Variants in PCDH9 observed in about 807,000 individuals in gnomAD.
PCDH9 encodes protocadherin 9, also known as protocadherin-9.
Under a neutral mutation model 70.6 loss-of-function variants are expected in PCDH9, and 24 were observed. The observed-to-expected ratio is 0.34, with a 90% CI of 0.25 to 0.48. The LOEUF (loss-of-function observed/expected upper bound fraction) is 0.48. Among genes scored for constraint, PCDH9 ranks in the 20% least tolerant of loss-of-function variants. The pLI is 0.99. For synonymous variants in PCDH9, 562 were observed against 558.5 expected (o/e 1.01, Z -0.09); for missense variants, 1,281 against 1,503.6 (o/e 0.85, Z 2.45).
At chr13:66,725,087 A>G (rs562143493) in intron 3 of PCDH9, among the ~76,000 whole-genome samples, 134 of 152,146 alleles carry the variant, frequency 8.8e-4, no homozygotes, top group African/African-American at 2.9e-3. Context: ...ACATGTCAAA[A>G]ATACACCCCC....
At chr13:66,337,603 A>AAAC (rs1956058236) in intron 4 of PCDH9, among the ~76,000 whole-genome samples, 1 of 71,842 alleles carries the variant, frequency 1.4e-5, no homozygotes, top group African/African-American at 3.8e-5. Context: ...TTGTTAAAAC[A>AAAC]AACAAACAAA....
chr13:66,619,004 T>C (rs1269780463), intron 4 of PCDH9, among the ~76,000 whole-genome samples: 1 of 152,220 alleles, frequency 6.6e-6, no homozygotes, highest in Non-Finnish European at 1.5e-5. Flanking sequence ...AAAATATTAC[T>C]AACTTTAAAA....
At chr13:66,749,669 T>C (rs1041282709) in intron 3 of PCDH9, among the ~76,000 whole-genome samples, 3 of 152,178 alleles carry the variant, frequency 2.0e-5, no homozygotes, top group African/African-American at 7.2e-5. Flanking sequence ...GCAAAAATGT[T>C]CAATGCCTAA....
chr13:66,855,839 T>C (rs1443229836), intron 3 of PCDH9, among the ~76,000 whole-genome samples: 1 of 151,980 alleles, frequency 6.6e-6, no homozygotes, highest in Admixed American at 6.6e-5. Flanking sequence ...AAAAAACTCA[T>C]ATACTATCTA....
intron 3 of PCDH9, among the ~76,000 whole-genome samples, chr13:66,787,781 G>A (rs2080103176): frequency 6.6e-6 from 1 of 152,020 alleles, no homozygotes; most frequent in Non-Finnish European, 1.5e-5. Context: ...CAATCAGTTG[G>A]CGACCCAGTG....
intron 2 of PCDH9, among the ~76,000 whole-genome samples, chr13:67,040,246 G>A (rs2085085979): frequency 6.6e-6 from 1 of 152,100 alleles, no homozygotes; most frequent in Non-Finnish European, 1.5e-5. Context: ...TTATTCAGAG[G>A]TGGGGTCTTT....
intron 3 of PCDH9, among the ~76,000 whole-genome samples, chr13:66,682,352 T>TTATCTATC (rs67403062): frequency 4.0e-5 from 6 of 150,166 alleles, no homozygotes; most frequent in Non-Finnish European, 5.9e-5. Flanking sequence ...GCTGTATTTA[T>TTATCTATC]TATCTATCTA....
intron 3 of PCDH9, among the ~76,000 whole-genome samples, chr13:66,871,717 T>TTA (rs2081690712): frequency 6.6e-6 from 1 of 152,158 alleles, no homozygotes; most frequent in South Asian, 2.1e-4. Flanking sequence ...AATGTTTACA[T>TTA]TATATATATT....
At chr13:67,058,431 T>C (rs1407005375) in intron 2 of PCDH9, among the ~76,000 whole-genome samples, 1 of 152,100 alleles carries the variant, frequency 6.6e-6, no homozygotes, top group Non-Finnish European at 1.5e-5. Flanking sequence ...CCAATCTCAT[T>C]TTAAGTTTCC....
intron 3 of PCDH9, among the ~76,000 whole-genome samples, chr13:66,723,583 G>T (rs940561071): frequency 6.6e-6 from 1 of 152,146 alleles, no homozygotes; most frequent in Non-Finnish European, 1.5e-5. Context: ...CAAGGATTTC[G>T]CTTGGAACCA....
intron 4 of PCDH9, among the ~76,000 whole-genome samples, chr13:66,574,429 A>T (rs886284328): frequency 7.9e-5 from 12 of 152,140 alleles, no homozygotes; most frequent in Non-Finnish European, 1.6e-4. Context: ...AGGTGAAAAT[A>T]ACCTTAAATT....
chr13:66,404,519 C>T (rs2138305206), intron 4 of PCDH9, among the ~76,000 whole-genome samples: 1 of 151,892 alleles, frequency 6.6e-6, no homozygotes, highest in South Asian at 2.1e-4. Flanking sequence ...CACAAGGAGG[C>T]TGATAATCCA....
intron 3 of PCDH9, among the ~76,000 whole-genome samples, chr13:66,679,355 T>A (rs563392367): frequency 3.4e-4 from 52 of 151,952 alleles, no homozygotes; most frequent in African/African-American, 1.2e-3. Flanking sequence ...TAATAGCACC[T>A]CAGTGGAACT....
intron 2 of PCDH9, among the ~76,000 whole-genome samples, chr13:66,918,287 T>C (rs11841902): frequency 0.41 from 62,470 of 150,982 alleles, 14,357 homozygotes; most frequent in African/African-American, 0.62. Context: ...TTTGCCTCCA[T>C]TTTAGATAAA....
At chr13:66,500,872 G>A (rs1566373292) in intron 4 of PCDH9, among the ~76,000 whole-genome samples, 1 of 151,962 alleles carries the variant, frequency 6.6e-6, no homozygotes, top group African/African-American at 2.4e-5. Flanking sequence ...CTCTCCGTAT[G>A]TCAGGGCAAT....
chr13:66,310,157 C>T (rs558608442), intron 4 of PCDH9, among the ~76,000 whole-genome samples: 2 of 151,852 alleles, frequency 1.3e-5, no homozygotes, highest in South Asian at 4.2e-4. Context: ...CAAATAACAC[C>T]GTGCAAGCCA....
At chr13:67,182,369 G>A (rs2088640242) in intron 2 of PCDH9, among the ~76,000 whole-genome samples, 1 of 151,996 alleles carries the variant, frequency 6.6e-6, no homozygotes, top group Non-Finnish European at 1.5e-5. Flanking sequence ...CATCTAATCT[G>A]TCTACAGGCC....
At chr13:66,998,844 T>C (rs1465902010) in intron 2 of PCDH9, among the ~76,000 whole-genome samples, 1 of 152,202 alleles carries the variant, frequency 6.6e-6, no homozygotes, top group East Asian at 1.9e-4. Flanking sequence ...TCATTCTTTC[T>C]AATGCTGCCC....
intron 2 of PCDH9, among the ~76,000 whole-genome samples, chr13:67,070,877 C>G (rs548273535): frequency 6.6e-6 from 1 of 152,212 alleles, no homozygotes; most frequent in East Asian, 1.9e-4. Flanking sequence ...GATGCAGATT[C>G]TTGCCCCACC....
Sources: gnomAD v4.1 joint callset for allele counts (sites outside exome capture counted in the v4.1 genomes callset) on GRCh38, gnomAD v4.1.1 for gene constraint, MANE v1.5 for transcripts, NCBI Gene and HGNC (gene_info 2026-07-23, HGNC 2026-07-21) for gene names.